The following C1orf21 variants were observed in gnomAD, a reference collection of about 807,000 sequenced individuals.
The protein encoded by C1orf21 is chromosome 1 open reading frame 21.
In C1orf21, 3 loss-of-function variants were observed where a neutral mutation model predicts 18.7. The ratio of observed to expected loss-of-function variants is 0.16; its 90% CI spans 0.07 to 0.42. The LOEUF is 0.42. Among genes scored for constraint, C1orf21 ranks in the 10% least tolerant of loss-of-function variants. The pLI is 0.99. For missense variants in C1orf21, 104 were observed against 143.6 expected, an observed-to-expected ratio of 0.72 and a Z score of 1.41; for synonymous variants, 41 against 46.4, an observed-to-expected ratio of 0.88 and a Z score of 0.47.
chr1:184,393,993 ATGT>A (rs1277029621), intron 1 of C1orf21, among the ~76,000 whole-genome samples: 1 of 152,190 alleles, frequency 6.6e-6, no homozygotes. Flanking sequence ...CTAACACCTA[ATGT>A]TGTTGGTTTC....
intron 1 of C1orf21, among the ~76,000 whole-genome samples, chr1:184,399,802 T>C (rs150385098): frequency 1.3e-3 from 204 of 152,348 alleles, no homozygotes; most frequent in African/African-American, 4.5e-3. Flanking sequence ...GTGATTATTA[T>C]TTAGTAAGGG....
In C1orf21 at chr1:184,622,954, T is replaced by G. The variant is rs1023812307; in HGVS notation, c.*3398T>G. The stretch of plus-strand genomic sequence containing the variant: ...CAGCCCCCTTCTTGGTCCCATGTGA[T>G]GTCATCCTGCTTTGTTATCTTCTTA... On this transcript the variant is annotated 3_prime_UTR_variant, in exon 6 of 6. Coordinates refer to ENST00000235307, the MANE Select transcript of C1orf21 (RefSeq NM_030806.4). 1.3e-5 allele frequency: 2 copies of G among 152,332 alleles called. No homozygotes were observed. Among genetic ancestry groups the G allele is most frequent in the East Asian group, 3.8e-4 (2 of 5,196 alleles). The allele number at this position is 152,332 out of a possible 1,614,324, so 9.4% of individuals were successfully genotyped here. A position where few individuals can be genotyped will look rare whatever the true frequency, so the allele number is the denominator to read the frequency against.
intron 5 of C1orf21, among the ~76,000 whole-genome samples, chr1:184,616,216 G>C (rs1175377026): frequency 6.6e-6 from 1 of 152,234 alleles, no homozygotes. Context: ...CAAAGAAGTT[G>C]CTTCTCAGTG....
intron 1 of C1orf21, among the ~76,000 whole-genome samples, chr1:184,388,560 G>A (rs1190239333): frequency 2.6e-5 from 4 of 152,164 alleles, no homozygotes; most frequent in East Asian, 1.9e-4. Flanking sequence ...GACACACGTA[G>A]TCTGACTCAG....
chr1:184,497,518 T>A (rs566883398), intron 2 of C1orf21, among the ~76,000 whole-genome samples: 2 of 152,360 alleles, frequency 1.3e-5, no homozygotes, highest in South Asian at 4.1e-4. Flanking sequence ...GGGGGCTTTC[T>A]TCACGAATGT....
chr1:184,571,099 C>A (rs1659102714), intron 3 of C1orf21, among the ~76,000 whole-genome samples: 1 of 151,942 alleles, frequency 6.6e-6, no homozygotes, highest in Non-Finnish European at 1.5e-5. Context: ...CGAGACCATC[C>A]CGGCTAAAAC....
chr1:184,480,403 T>A (rs1657636035), intron 2 of C1orf21, among the ~76,000 whole-genome samples: 1 of 152,230 alleles, frequency 6.6e-6, no homozygotes, highest in Non-Finnish European at 1.5e-5. Flanking sequence ...TTTAAAAAGA[T>A]AACCTTAGAT....
At chr1:184,555,476 G>C (rs1490715712) in intron 3 of C1orf21, among the ~76,000 whole-genome samples, 4 of 152,126 alleles carry the variant, frequency 2.6e-5, no homozygotes, top group African/African-American at 9.7e-5. Context: ...CTTCTCCAAA[G>C]TCCACTCTTC....
Position 184,483,413 on chromosome 1 carries a change from G to A in C1orf21, c.94+5810G>A, listed in dbSNP as rs75107847. On this transcript the variant is annotated intron_variant, in intron 2 of 5. Transcript: ENST00000235307. ...TAGGCCTTATTAGGGAAATTAATAC[G>A]TCAGGCTTGAGATCATGATCTCTCC... 5.2e-4 allele frequency among the ~76,000 whole-genome samples: 79 copies of A among 152,314 alleles called. 1 individual carries two copies. The East Asian group carries it at 0.014, about 26-fold the overall frequency.
At chr1:184,418,662 G>A (rs190534352) in intron 1 of C1orf21, among the ~76,000 whole-genome samples, 67 of 152,306 alleles carry the variant, frequency 4.4e-4, no homozygotes, top group Middle Eastern at 6.8e-3. Context: ...TTTACAGAAT[G>A]CCTTTCTTTT....
intron 3 of C1orf21, among the ~76,000 whole-genome samples, chr1:184,578,891 A>G (rs964129423): frequency 6.6e-6 from 1 of 152,012 alleles, no homozygotes; most frequent in African/African-American, 2.4e-5. Context: ...CTTTCTCAAC[A>G]TAAGCTCTGT....
chr1:184,405,131 A>G (rs1043004896), intron 1 of C1orf21, among the ~76,000 whole-genome samples: 6 of 152,116 alleles, frequency 3.9e-5, no homozygotes, highest in African/African-American at 1.4e-4. Context: ...AGCAAATGAA[A>G]CGTTCCCTGG....
chr1:184,580,465 A>G (rs527256134), intron 3 of C1orf21, among the ~76,000 whole-genome samples: 6 of 152,234 alleles, frequency 3.9e-5, no homozygotes, highest in African/African-American at 7.2e-5. Flanking sequence ...GATGTTGACT[A>G]TTGTTTCTGC....
chr1:184,487,348 C>T (rs1352674960), intron 2 of C1orf21, among the ~76,000 whole-genome samples: 2 of 152,182 alleles, frequency 1.3e-5, no homozygotes, highest in South Asian at 2.1e-4. Context: ...TTATTTTGCC[C>T]CTGAACCGTT....
intron 2 of C1orf21, among the ~76,000 whole-genome samples, chr1:184,480,842 C>T (rs1014274392): frequency 8.5e-5 from 13 of 152,098 alleles, no homozygotes; most frequent in Admixed American, 2.6e-4. Context: ...GACTCGCTTT[C>T]GTGCTTAATC....
intron 5 of C1orf21, among the ~76,000 whole-genome samples, chr1:184,615,061 T>G (rs1659800545): frequency 6.6e-6 from 1 of 152,234 alleles, no homozygotes; most frequent in African/African-American, 2.4e-5. Context: ...CTCTTTGAGC[T>G]GTTGCTCTTT....
intron 2 of C1orf21, among the ~76,000 whole-genome samples, chr1:184,490,515 AG>A (rs35587310): frequency 6.6e-6 from 1 of 152,236 alleles, no homozygotes; most frequent in African/African-American, 2.4e-5. Context: ...ACAATATAGC[AG>A]GGGAGACTGG....
intron 2 of C1orf21, among the ~76,000 whole-genome samples, chr1:184,499,031 T>C (rs1015740565): frequency 6.6e-6 from 1 of 152,196 alleles, no homozygotes; most frequent in Non-Finnish European, 1.5e-5. Context: ...TGTGAAACTT[T>C]CAGAACTAGA....
chr1:184,437,457 CA>C (rs1197834537), intron 1 of C1orf21, among the ~76,000 whole-genome samples: 1 of 152,114 alleles, frequency 6.6e-6, no homozygotes, highest in Non-Finnish European at 1.5e-5. Flanking sequence ...TCCTATCTTA[CA>C]TGAGAACCTG....
Sources: allele counts gnomAD v4.1 joint callset (sites outside exome capture counted in the v4.1 genomes callset), GRCh38; gene constraint gnomAD v4.1.1; transcripts MANE v1.5; gene names NCBI Gene and HGNC (gene_info 2026-07-23, HGNC 2026-07-21).